Variants in CFAP44 observed in about 807,000 individuals in gnomAD.
CFAP44 encodes the protein cilia- and flagella-associated protein 44.
Under a neutral mutation model 216.2 loss-of-function variants are expected in CFAP44, and 134 were observed. That is an observed-to-expected ratio of 0.62 (90% confidence interval 0.54 to 0.72). The LOEUF is 0.72. Ranked by LOEUF, CFAP44 falls within the 30% of genes least tolerant of loss-of-function variation. The pLI, the probability that CFAP44 is intolerant of heterozygous loss-of-function variation, is 0.00. For synonymous variants in CFAP44, 700 were observed against 727.6 expected, an observed-to-expected ratio of 0.96 and a Z score of 0.61; for missense variants, 2,035 against 2,182.1, an observed-to-expected ratio of 0.93 and a Z score of 1.34.
At chr3:113,310,372 A>C (rs1950026514) in intron 28 of CFAP44, among the ~76,000 whole-genome samples, 1 of 152,204 alleles carries the variant, frequency 6.6e-6, no homozygotes, top group Non-Finnish European at 1.5e-5. Context: ...GCTGGAACCC[A>C]CACCCATACA....
intron 28 of CFAP44, among the ~76,000 whole-genome samples, chr3:113,320,500 ATATC>A (rs1414764498): frequency 3.4e-5 from 4 of 116,170 alleles, no homozygotes; most frequent in Admixed American, 8.1e-5. Flanking sequence ...GATGTAATAT[ATATC>A]TAGATATACA....
At chr3:113,307,480 C>T (rs918974077) in intron 29 of CFAP44, among the ~76,000 whole-genome samples, 4 of 152,170 alleles carry the variant, frequency 2.6e-5, no homozygotes, top group Non-Finnish European at 5.9e-5. Context: ...CCCACTCCTG[C>T]ACTCCCTTCA....
chr3:113,353,734 G>A (rs1006389284), intron 22 of CFAP44, among the ~76,000 whole-genome samples: 3 of 152,146 alleles, frequency 2.0e-5, no homozygotes, highest in South Asian at 2.1e-4. Flanking sequence ...ACAGCTGCAC[G>A]ATAGAGACAG....
intron 22 of CFAP44, among the ~76,000 whole-genome samples, chr3:113,357,239 C>T (rs1191947371): frequency 6.6e-6 from 1 of 152,036 alleles, no homozygotes; most frequent in Non-Finnish European, 1.5e-5. Context: ...TTTGTGTCCC[C>T]CCAAAAAGCT....
Position 113,363,507 on chromosome 3 carries a change from G to A in CFAP44, c.2741C>T (p.Pro914Leu), listed in dbSNP as rs534960129. 43 of 1,610,410 alleles carry A rather than the reference G, an allele frequency of 2.7e-5. No individual in the cohort carries two copies. The African/African-American group carries it at 4.9e-4, about 18-fold the overall frequency. The stretch of plus-strand genomic sequence containing the variant: ...GGCTTTGGGATCTTCAATGTCTTCT[G>A]GAATTGGCTCTGTTTCAATTCCAAA... ...PRFGIETEPI[P>L]EDIEDPKAYS... The change falls in exon 20 of 35, where the codon CCA (proline) becomes CTA (leucine). Residue 914 changes from proline to leucine, a missense_variant. Physicochemically the swap from Pro to Leu is moderately conservative, Grantham distance 98 (BLOSUM62 -3). Transcript: ENST00000393845.
At position 113,330,291 on chromosome 3, in the gene CFAP44, T is replaced by C. The variant is rs1950229212; in HGVS notation, c.3993A>G (p.Thr1331=). The C allele has an allele frequency of 1.3e-6, 2 of 1,537,308 alleles. No homozygotes were observed. The highest frequency in any genetic ancestry group is 1.7e-6 in the Non-Finnish European group (2 of 1,146,940). ...DSISRSSKAS[T]FSLDIPKCLE... ...AACACTTTGGTATATCTAGGCTGAA[T>C]GTTGATGCCTTTGATGATCTAGATA... The change falls in exon 26 of 35, where the codon ACA becomes ACG. Residue 1331 remains threonine, a synonymous_variant. Transcript: ENST00000393845.
intron 17 of CFAP44, among the ~76,000 whole-genome samples, chr3:113,376,994 G>A (rs34270537): frequency 0.01 from 1,594 of 152,252 alleles, 22 homozygotes; most frequent in Non-Finnish European, 0.018. Flanking sequence ...GCAGGAGACT[G>A]TTCTCCAATT....
At chr3:113,386,820 T>C (rs1446908689) in intron 15 of CFAP44, among the ~76,000 whole-genome samples, 5 of 152,190 alleles carry the variant, frequency 3.3e-5, no homozygotes, top group African/African-American at 1.2e-4. Flanking sequence ...AAAGACAGTC[T>C]TGAATTGCTG....
intron 5 of CFAP44, 103 bp from the exon 6 acceptor site, chr3:113,416,730 C>A: frequency 1.2e-6 from 1 of 808,822 alleles, no homozygotes; most frequent in South Asian, 2.2e-5. Context: ...ATTTATTAGG[C>A]TTTACTCTAA....
At chr3:113,421,330 T>G (rs1934809725) in intron 4 of CFAP44, among the ~76,000 whole-genome samples, 1 of 152,088 alleles carries the variant, frequency 6.6e-6, no homozygotes, top group Admixed American at 6.6e-5. Context: ...CATTAAAAAG[T>G]CAAAAAATGA....
In CFAP44 at chr3:113,289,516, T is replaced by C. The variant is rs1949808473; in HGVS notation, c.*2041A>G. On this transcript the variant is annotated 3_prime_UTR_variant, in exon 35 of 35. Transcript: ENST00000393845. ...CCCAGGAAGATAACGTAACTTCTCC[T>C]GATTCTCTACAATTACCAAGGGGAT... The C allele has an allele frequency of 6.6e-6, 1 of 152,242 alleles. No homozygotes were observed. The highest frequency in any genetic ancestry group is 2.4e-5 in the African/African-American group (1 of 41,466). 9.4% of individuals were successfully genotyped at this position (152,242 alleles called of 1,614,324 possible). A position where few individuals can be genotyped will look rare whatever the true frequency, so the allele number is the denominator to read the frequency against.
chr3:113,329,263 G>A (rs573707495), intron 26 of CFAP44, among the ~76,000 whole-genome samples: 6 of 152,278 alleles, frequency 3.9e-5, no homozygotes, highest in African/African-American at 9.6e-5. Flanking sequence ...TAATGTGGGC[G>A]GAAAATGCTG....
At chr3:113,313,079 C>T (rs924717927) in intron 28 of CFAP44, among the ~76,000 whole-genome samples, 1 of 152,034 alleles carries the variant, frequency 6.6e-6, no homozygotes, top group Non-Finnish European at 1.5e-5. Context: ...CAGCTTGCAC[C>T]GTGCACCTGG....
chr3:113,398,123 C>T (rs562879971), intron 13 of CFAP44, among the ~76,000 whole-genome samples: 52 of 152,220 alleles, frequency 3.4e-4, no homozygotes, highest in African/African-American at 1.2e-3. Context: ...AAATTTACTA[C>T]GTGTCTAAAT....
At position 113,363,541 on chromosome 3, in the gene CFAP44, A is replaced by G; in HGVS notation, c.2716-9T>C. 6.2e-7 allele frequency: 1 copy of G among 1,604,544 alleles called. No homozygotes were observed. The highest frequency in any genetic ancestry group is 8.5e-7 in the Non-Finnish European group (1 of 1,175,410). On this transcript the variant is annotated splice_polypyrimidine_tract_variant and intron_variant, in intron 19 of 34. Transcript: ENST00000393845. ...TCTGTTTCAATTCCAAACTATAGGA[A>G]GGGAAGTAAAAGGTTAGCCCTTTAA...
chr3:113,359,668 C>A (rs1950520038), intron 21 of CFAP44, among the ~76,000 whole-genome samples: 1 of 151,944 alleles, frequency 6.6e-6, no homozygotes, highest in Non-Finnish European at 1.5e-5. Context: ...ATGAAATTGG[C>A]AAAGTGCTTC....
At chr3:113,439,180 A>G (rs78751696) in intron 1 of CFAP44, among the ~76,000 whole-genome samples, 6,269 of 152,298 alleles carry the variant, frequency 0.041, 423 homozygotes, top group African/African-American at 0.14. Context: ...CAATTCTTTC[A>G]ACTAACTCAT....
intron 22 of CFAP44, among the ~76,000 whole-genome samples, chr3:113,350,982 T>C (rs541896064): frequency 1.6e-4 from 24 of 152,270 alleles, no homozygotes; most frequent in Middle Eastern, 3.4e-3. Flanking sequence ...GGACAATAGA[T>C]GGTTCCTCCT....
At chr3:113,400,479 TA>T in intron 12 of CFAP44, 65 bp downstream of exon 12, 1 of 1,367,200 alleles carries the variant, frequency 7.3e-7, no homozygotes, top group African/African-American at 1.5e-5. Flanking sequence ...CAAACACATA[TA>T]AAAATTTTAT....
Sources: allele counts gnomAD v4.1 joint callset (sites outside exome capture counted in the v4.1 genomes callset), GRCh38; gene constraint gnomAD v4.1.1; transcripts MANE v1.5; gene names NCBI Gene and HGNC (gene_info 2026-07-23, HGNC 2026-07-21).